CDH12: variants seen among roughly 807,000 people sequenced by gnomAD.
CDH12 encodes cadherin 12, also known as cadherin-12.
In CDH12, 41 loss-of-function variants were observed where a neutral mutation model predicts 74.1. That is an observed-to-expected ratio of 0.55 (90% CI 0.43 to 0.72). The LOEUF is 0.72. Ranked by LOEUF, CDH12 falls within the 30% of genes least tolerant of loss-of-function variation. The pLI is 0.00. For synonymous variants in CDH12, 399 were observed against 355.0 expected, an observed-to-expected ratio of 1.12 and a Z score of -1.39; for missense variants, 945 against 977.2, an observed-to-expected ratio of 0.97 and a Z score of 0.44.
chr5:22,799,408 T>C (rs1264238731), intron 1 of CDH12, among the ~76,000 whole-genome samples: 1 of 152,222 alleles, frequency 6.6e-6, no homozygotes, highest in African/African-American at 2.4e-5. Flanking sequence ...AAATTCTACA[T>C]AATTTGTAAT....
chr5:21,852,073 T>G (rs1750496175), intron 7 of CDH12, among the ~76,000 whole-genome samples: 1 of 151,384 alleles, frequency 6.6e-6, no homozygotes, highest in Non-Finnish European at 1.5e-5. Context: ...TGGAGACTAT[T>G]TCTGAGAAAT....
intron 4 of CDH12, among the ~76,000 whole-genome samples, chr5:22,196,900 G>C (rs1218190752): frequency 6.6e-6 from 1 of 152,018 alleles, no homozygotes; most frequent in African/African-American, 2.4e-5. Context: ...TGGGTCAGTC[G>C]AATTTCTTAA....
intron 1 of CDH12, among the ~76,000 whole-genome samples, chr5:22,766,880 A>T (rs936543131): frequency 1.3e-5 from 2 of 152,084 alleles, no homozygotes; most frequent in African/African-American, 4.8e-5. Context: ...TTATCTAAGG[A>T]ACTTGAACAT....
chr5:21,840,635 A>G (rs533787853), intron 8 of CDH12, among the ~76,000 whole-genome samples: 172 of 152,186 alleles, frequency 1.1e-3, no homozygotes, highest in African/African-American at 3.9e-3. Context: ...CCAAAACAGC[A>G]TGGTACTGGT....
intron 1 of CDH12, among the ~76,000 whole-genome samples, chr5:22,555,111 C>T (rs1008533865): frequency 5.9e-5 from 9 of 151,990 alleles, no homozygotes; most frequent in South Asian, 2.1e-4. Context: ...GTCTTCTGAA[C>T]GCATAATATC....
intron 1 of CDH12, among the ~76,000 whole-genome samples, chr5:22,743,885 T>A (rs1369109700): frequency 6.6e-6 from 1 of 152,174 alleles, no homozygotes; most frequent in East Asian, 1.9e-4. Flanking sequence ...GTTTTTTTTT[T>A]AATGTGATAT....
intron 1 of CDH12, among the ~76,000 whole-genome samples, chr5:22,625,959 T>C (rs547236224): frequency 5.1e-4 from 78 of 152,044 alleles, no homozygotes; most frequent in Non-Finnish European, 9.6e-4. Flanking sequence ...GGACCTTGCC[T>C]CCCCTCCTCC....
chr5:22,143,367 C>CTTTTT (rs1561156581), intron 4 of CDH12: 3 of 111,288 alleles, frequency 2.7e-5, no homozygotes, highest in African/African-American at 7.6e-5. Flanking sequence ...GTATAATATT[C>CTTTTT]CTTTTTTTTT....
intron 4 of CDH12, among the ~76,000 whole-genome samples, chr5:22,080,987 G>C (rs1287785635): frequency 1.3e-5 from 2 of 152,016 alleles, no homozygotes; most frequent in South Asian, 4.2e-4. Flanking sequence ...CACCATGTTG[G>C]CCAGGATGAT....
At chr5:22,458,992 G>C (rs966796273) in intron 2 of CDH12, among the ~76,000 whole-genome samples, 6 of 151,912 alleles carry the variant, frequency 3.9e-5, no homozygotes, top group African/African-American at 1.2e-4. Context: ...AAAAATGTTG[G>C]TGTGGCTGTA....
At chr5:22,042,616 G>A (rs576293389) in intron 5 of CDH12, among the ~76,000 whole-genome samples, 8 of 151,874 alleles carry the variant, frequency 5.3e-5, no homozygotes, top group African/African-American at 1.9e-4. Context: ...CTAAACACAG[G>A]GACTCACACC....
intron 3 of CDH12, among the ~76,000 whole-genome samples, chr5:22,259,966 C>A (rs538098994): frequency 6.6e-6 from 1 of 151,836 alleles, no homozygotes; most frequent in Non-Finnish European, 1.5e-5. Flanking sequence ...AGGGCAAAAG[C>A]GTAATTAAAA....
At chr5:21,832,684 C>G (rs1331677491) in intron 8 of CDH12, among the ~76,000 whole-genome samples, 1 of 146,562 alleles carries the variant, frequency 6.8e-6, no homozygotes, top group Non-Finnish European at 1.5e-5. Context: ...ACACAATTAA[C>G]TTATTAACTT....
chr5:21,855,230 C>A (rs2150001331), intron 6 of CDH12, among the ~76,000 whole-genome samples: 1 of 151,750 alleles, frequency 6.6e-6, no homozygotes, highest in South Asian at 2.1e-4. Flanking sequence ...TAAAAATTAA[C>A]AACTACCTAC....
At chr5:22,490,544 GAC>G (rs1048185864) in intron 2 of CDH12, among the ~76,000 whole-genome samples, 1 of 148,750 alleles carries the variant, frequency 6.7e-6, no homozygotes, top group Non-Finnish European at 1.5e-5. Flanking sequence ...AATTCACAAA[GAC>G]AGAAAATCCA....
chr5:21,926,834 T>C (rs1754604689), intron 6 of CDH12, among the ~76,000 whole-genome samples: 1 of 152,128 alleles, frequency 6.6e-6, no homozygotes, highest in Admixed American at 6.5e-5. Context: ...GAGGTGATGG[T>C]AGAATGTTCT....
At chr5:22,182,247 T>C (rs1430133508) in intron 4 of CDH12, among the ~76,000 whole-genome samples, 2 of 152,120 alleles carry the variant, frequency 1.3e-5, no homozygotes, top group African/African-American at 4.8e-5. Flanking sequence ...TAGATTCCTT[T>C]TTTTCTAACC....
At chr5:21,895,552 G>A (rs1753084408) in intron 6 of CDH12, among the ~76,000 whole-genome samples, 2 of 152,142 alleles carry the variant, frequency 1.3e-5, no homozygotes, top group African/African-American at 4.8e-5. Flanking sequence ...AGCTCCATAT[G>A]CATCAATTTG....
rs1487901967 is a variant in CDH12, at chr5:22,315,097, G to A, written c.-333+90160C>T. 3.3e-5 allele frequency among the ~76,000 whole-genome samples: 4 copies of A among 120,170 alleles called. 1 individual carries two copies. Among genetic ancestry groups the A allele is most frequent in the Non-Finnish European group, 5.1e-5 (3 of 58,772 alleles). 78.8% of individuals were successfully genotyped at this position (120,170 alleles called of 152,430 possible). Reference sequence around the variant, plus strand: ...TGCCTCAGTAGCCAGGACTACAGGCGCCTGCCACCGTGCCTGCCTGGCTTT... The same window carrying A: ...TGCCTCAGTAGCCAGGACTACAGGCACCTGCCACCGTGCCTGCCTGGCTTT... On this transcript the variant is annotated intron_variant, in intron 3 of 14. Transcript: ENST00000382254.
Sources: allele counts gnomAD v4.1 joint callset (sites outside exome capture counted in the v4.1 genomes callset), GRCh38; gene constraint gnomAD v4.1.1; transcripts MANE v1.5; gene names NCBI Gene and HGNC (gene_info 2026-07-23, HGNC 2026-07-21).